Variants in LRRC4C observed in about 807,000 individuals in gnomAD.
The protein encoded by LRRC4C is leucine rich repeat containing 4C, also known as leucine-rich repeat-containing protein 4C.
Under a neutral mutation model 33.6 loss-of-function variants are expected in LRRC4C, and 5 were observed. That is an observed-to-expected ratio of 0.15 (90% CI 0.08 to 0.31). The LOEUF (loss-of-function observed/expected upper bound fraction) is 0.31, where lower values mean the gene tolerates loss of function less well. Among genes scored for constraint, LRRC4C ranks in the 10% least tolerant of loss-of-function variants. The pLI is 1.00. For missense variants in LRRC4C, 560 were observed against 796.7 expected (o/e 0.70, Z 3.58); for synonymous variants, 329 against 302.0 (o/e 1.09, Z -0.93).
At chr11:40,932,817 G>T (rs144637985) in intron 2 of LRRC4C, among the ~76,000 whole-genome samples, 1 of 152,284 alleles carries the variant, frequency 6.6e-6, no homozygotes, top group East Asian at 1.9e-4. Context: ...TGCTGAAAGA[G>T]CTGGAACATT....
At chr11:40,437,959 C>G (rs1182151961) in intron 3 of LRRC4C, among the ~76,000 whole-genome samples, 3 of 152,190 alleles carry the variant, frequency 2.0e-5, no homozygotes, top group African/African-American at 7.2e-5. Context: ...ATCAGCCACC[C>G]AAAGTGCTGG....
chr11:40,736,278 C>T (rs538770783), intron 2 of LRRC4C, among the ~76,000 whole-genome samples: 37 of 151,896 alleles, frequency 2.4e-4, no homozygotes, highest in African/African-American at 8.9e-4. Flanking sequence ...GTTTTCTGTT[C>T]TTGTGTTAGT....
intron 5 of LRRC4C, among the ~76,000 whole-genome samples, chr11:40,222,814 T>A (rs1378576218): frequency 6.6e-6 from 1 of 151,982 alleles, no homozygotes; most frequent in South Asian, 2.1e-4. Flanking sequence ...AGGGTCTCAT[T>A]TAGTGGGGGA....
chr11:40,451,859 G>A (rs1465152105), intron 3 of LRRC4C, among the ~76,000 whole-genome samples: 13 of 152,174 alleles, frequency 8.5e-5, no homozygotes, highest in African/African-American at 3.1e-4. Flanking sequence ...CTCCCAGTGT[G>A]AGCGATGCAG....
chr11:40,890,392 T>C (rs1187792373), intron 2 of LRRC4C, among the ~76,000 whole-genome samples: 1 of 152,110 alleles, frequency 6.6e-6, no homozygotes, highest in Non-Finnish European at 1.5e-5. Flanking sequence ...GACAAAACTC[T>C]GTCATGATTA....
intron 3 of LRRC4C, among the ~76,000 whole-genome samples, chr11:40,637,760 C>T (rs1436065706): frequency 1.3e-5 from 2 of 152,182 alleles, no homozygotes; most frequent in African/African-American, 4.8e-5. Context: ...TATCATCTTC[C>T]ACATGGATTA....
At chr11:41,062,719 C>T (rs868718445) in intron 1 of LRRC4C, among the ~76,000 whole-genome samples, 3 of 152,080 alleles carry the variant, frequency 2.0e-5, no homozygotes, top group Admixed American at 1.3e-4. Flanking sequence ...TTTGAAAATA[C>T]GGTCTGTGCA....
At chr11:41,249,084 G>T (rs957576881) in intron 1 of LRRC4C, among the ~76,000 whole-genome samples, 1 of 149,668 alleles carries the variant, frequency 6.7e-6, no homozygotes, top group Admixed American at 6.7e-5. Flanking sequence ...GCCCAGACTA[G>T]AGTGCAGTGG....
At chr11:41,150,945 C>A (rs1459177020) in intron 1 of LRRC4C, among the ~76,000 whole-genome samples, 1 of 151,908 alleles carries the variant, frequency 6.6e-6, no homozygotes, top group Admixed American at 6.6e-5. Flanking sequence ...CTAATTCAAC[C>A]ACTGAGGGAT....
At chr11:41,001,217 G>T (rs1854352319) in intron 1 of LRRC4C, among the ~76,000 whole-genome samples, 1 of 152,042 alleles carries the variant, frequency 6.6e-6, no homozygotes, top group African/African-American at 2.4e-5. Flanking sequence ...AACTAGAATT[G>T]ACCTATCTCT....
intron 2 of LRRC4C, among the ~76,000 whole-genome samples, chr11:40,773,582 T>C (rs1352628920): frequency 1.3e-5 from 2 of 152,014 alleles, no homozygotes; most frequent in East Asian, 3.9e-4. Flanking sequence ...AATACATATA[T>C]GAATAAATAT....
At chr11:40,198,530 A>G (rs550889638) in intron 5 of LRRC4C, among the ~76,000 whole-genome samples, 1 of 152,278 alleles carries the variant, frequency 6.6e-6, no homozygotes, top group Admixed American at 6.5e-5. Context: ...ATCCGTTTCT[A>G]TATTTATTTA....
chr11:41,442,471 T>TCTTC (rs57336907), intron 1 of LRRC4C, among the ~76,000 whole-genome samples: 3 of 122,126 alleles, frequency 2.5e-5, no homozygotes, highest in African/African-American at 9.3e-5. Flanking sequence ...TTTTTTTTTT[T>TCTTC]TTTTTTTTTT....
At chr11:40,185,337 C>A (rs1049200750) in intron 5 of LRRC4C, among the ~76,000 whole-genome samples, 2 of 152,088 alleles carry the variant, frequency 1.3e-5, no homozygotes, top group Non-Finnish European at 2.9e-5. Flanking sequence ...GCCTCCAGGG[C>A]TTAATAGAAA....
chr11:41,432,728 C>T (rs1381955907), intron 1 of LRRC4C, among the ~76,000 whole-genome samples: 1 of 152,010 alleles, frequency 6.6e-6, no homozygotes, highest in African/African-American at 2.4e-5. Context: ...GCTCTAGAGA[C>T]ATTTTATAAT....
intron 2 of LRRC4C, among the ~76,000 whole-genome samples, chr11:40,760,124 G>C (rs1949135523): frequency 6.6e-6 from 1 of 151,488 alleles, no homozygotes; most frequent in Non-Finnish European, 1.5e-5. Flanking sequence ...ATGTTTCCTG[G>C]GTCCAATTTA....
chr11:41,023,358 T>C (rs1342497364), intron 1 of LRRC4C, among the ~76,000 whole-genome samples: 1 of 151,838 alleles, frequency 6.6e-6, no homozygotes, highest in Non-Finnish European at 1.5e-5. Context: ...AGATTCAGAA[T>C]AAAACTAAAA....
chr11:41,015,411 T>C (rs1015112347), intron 1 of LRRC4C, among the ~76,000 whole-genome samples: 2 of 152,098 alleles, frequency 1.3e-5, no homozygotes, highest in African/African-American at 4.8e-5. Flanking sequence ...TCACTGCAAC[T>C]TCTACCTCTT....
At chr11:41,244,064 A>C (rs1194301577) in intron 1 of LRRC4C, among the ~76,000 whole-genome samples, 1 of 152,154 alleles carries the variant, frequency 6.6e-6, no homozygotes, top group Non-Finnish European at 1.5e-5. Context: ...TTATAGTCAG[A>C]TAATGAGAAG....
Sources: gnomAD v4.1 joint callset for allele counts (sites outside exome capture counted in the v4.1 genomes callset) on GRCh38, gnomAD v4.1.1 for gene constraint, MANE v1.5 for transcripts, NCBI Gene and HGNC (gene_info 2026-07-23, HGNC 2026-07-21) for gene names.